The following FBXL18 variants were observed in gnomAD, a reference collection of about 807,000 sequenced individuals.
FBXL18 encodes F-box and leucine rich repeat protein 18.
FBXL18 carries 36 observed loss-of-function variants against 46.0 expected under a neutral mutation model. The ratio of observed to expected loss-of-function variants is 0.78; its 90% CI spans 0.60 to 1.03. FBXL18 has a LOEUF of 1.03. Among genes scored for constraint, FBXL18 ranks in the 50% least tolerant of loss-of-function variants. FBXL18 has a pLI of 0.00. For synonymous variants in FBXL18, 557 were observed against 465.3 expected (o/e 1.20, Z -2.54); for missense variants, 977 against 1,004.1 (o/e 0.97, Z 0.36).
At position 5,500,973 on chromosome 7, in the gene FBXL18, G is replaced by GA; in HGVS notation, c.1295_1296insT (p.Asp433ArgfsTer269). On this transcript the variant is annotated frameshift_variant, in exon 3 of 5. Transcript: ENST00000382368. LOFTEE classifies it high-confidence loss of function. ...TGGCCGGCTGGGCGGGCGCGCGGTC[G>GA]GCGCGCGGCGCGGAGTCAGCGACAG... 1 of 1,536,836 alleles carries GA rather than the reference G, an allele frequency of 6.5e-7. No homozygotes were observed. The highest frequency in any genetic ancestry group is 8.7e-7 in the Non-Finnish European group (1 of 1,148,716).
chr7:5,502,858 G>C (rs1445967980), intron 2 of FBXL18, among the ~76,000 whole-genome samples: 1 of 151,798 alleles, frequency 6.6e-6, no homozygotes, highest in Non-Finnish European at 1.5e-5. Flanking sequence ...ACGGTTTGGT[G>C]GTGGTTCCTC....
intron 4 of FBXL18, among the ~76,000 whole-genome samples, chr7:5,465,041 C>T (rs181825176): frequency 3.2e-4 from 49 of 152,118 alleles, no homozygotes; most frequent in Non-Finnish European, 5.9e-4. Context: ...CCAGCCTGGG[C>T]GACAGAACGA....
intron 3 of FBXL18, 143 bp from the exon 4 acceptor site, chr7:5,491,592 A>C: frequency 2.9e-6 from 2 of 697,994 alleles, no homozygotes; most frequent in Admixed American, 2.9e-5. Flanking sequence ...CAATACCACT[A>C]TCCCTTGGAG....
chr7:5,505,696 T>A, intron 1 of FBXL18, 66 bp from the exon 2 acceptor site: 2 of 1,394,488 alleles, frequency 1.4e-6, no homozygotes, highest in Non-Finnish European at 2.0e-6. Context: ...AGCCTGCAGC[T>A]AGGCAGAGAA....
At position 5,483,739 on chromosome 7, in the gene FBXL18, C is replaced by G. The variant is rs527621227; in HGVS notation, c.2001-1808G>C. Among the ~76,000 whole-genome samples, 3 of 141,768 alleles carry G rather than the reference C, an allele frequency of 2.1e-5. No homozygotes were observed. In the East Asian group the frequency reaches 5.9e-4, roughly 28 times the overall value. The allele number at this position is 141,768 out of a possible 152,430, so 93.0% of individuals were successfully genotyped here. A position where few individuals can be genotyped will look rare whatever the true frequency, so the allele number is the denominator to read the frequency against. On this transcript the variant is annotated intron_variant, in intron 4 of 4. Coordinates refer to ENST00000382368, the MANE Select transcript of FBXL18 (RefSeq NM_024963.6). ...AGCCTGGGCAACAAGAGCAAAACTCCGTCTCAAAAAAAAGACAAAAAAAAA... is the reference window on the plus strand; with the variant it reads ...AGCCTGGGCAACAAGAGCAAAACTCGGTCTCAAAAAAAAGACAAAAAAAAA...
At chr7:5,510,045 T>A (rs1784490207) in intron 1 of FBXL18, among the ~76,000 whole-genome samples, 1 of 151,988 alleles carries the variant, frequency 6.6e-6, no homozygotes, top group African/African-American at 2.4e-5. Context: ...CTCATGCGTG[T>A]AATTCCAGCA....
intron 3 of FBXL18, among the ~76,000 whole-genome samples, chr7:5,495,553 C>T (rs1784054890): frequency 6.6e-6 from 1 of 152,182 alleles, no homozygotes. Flanking sequence ...CCCTCCCTGC[C>T]AGGAGCCCCA....
At position 5,513,752 on chromosome 7, in the gene FBXL18, G is replaced by A; in HGVS notation, c.-78C>T. 1.9e-6 allele frequency: 3 copies of A among 1,546,178 alleles called. No homozygotes were observed. The highest frequency in any genetic ancestry group is 1.4e-5 in the African/African-American group (1 of 73,106). ...ACCTGCCCGGCTAGGGATGCTCGAA[G>A]CCGGCGCGTCCACCGCTCAACCGAG... is the stretch of plus-strand genomic sequence containing the variant. On this transcript the variant is annotated 5_prime_UTR_variant, in exon 1 of 5. Transcript: ENST00000382368.
chr7:5,473,971 A>G (rs970098615), downstream of FBXL18, among the ~76,000 whole-genome samples: 2 of 151,780 alleles, frequency 1.3e-5, no homozygotes, highest in Non-Finnish European at 2.9e-5. Flanking sequence ...TAATTTTTGT[A>G]CTTTTTGTAG....
Position 5,501,159 on chromosome 7 carries a change from G to T in FBXL18, c.1110C>A (p.Ile370=). 1.2e-6 allele frequency: 2 copies of T among 1,613,202 alleles called. No individual in the cohort carries two copies. The highest frequency in any genetic ancestry group is 1.7e-6 in the Non-Finnish European group (2 of 1,179,864). The change falls in exon 3 of 5, where the codon ATC becomes ATA. Residue 370 remains isoleucine (I), a synonymous_variant. Transcript: ENST00000382368. Reference sequence around the variant, plus strand: ...CCAGAGTCTCCAGGATGCTGCTGTCGATGTCGTCCTCCGCCTTGCGGAGCA... The same window carrying T: ...CCAGAGTCTCCAGGATGCTGCTGTCTATGTCGTCCTCCGCCTTGCGGAGCA... ...DSLLRKAEDD[I]DSSILETLVA...
chr7:5,494,422 ACT>A (rs969135254), intron 3 of FBXL18, among the ~76,000 whole-genome samples: 1 of 152,170 alleles, frequency 6.6e-6, no homozygotes, highest in African/African-American at 2.4e-5. Context: ...ACAGAGCGAG[ACT>A]CTGTCTCACA....
intron 4 of FBXL18, among the ~76,000 whole-genome samples, chr7:5,490,639 C>A (rs1238969416): frequency 6.6e-6 from 1 of 152,210 alleles, no homozygotes; most frequent in Non-Finnish European, 1.5e-5. Flanking sequence ...TAGATCCAAA[C>A]AACGGGCAGA....
chr7:5,495,953 G>A, intron 3 of FBXL18: 1 of 463,728 alleles, frequency 2.2e-6, no homozygotes, highest in South Asian at 1.6e-5. Flanking sequence ...AGCAGGGTCG[G>A]TCTCTCAGGC....
chr7:5,467,350 T>TA (rs887677424), intron 4 of FBXL18, among the ~76,000 whole-genome samples: 1 of 147,026 alleles, frequency 6.8e-6, no homozygotes, highest in Non-Finnish European at 1.5e-5. Flanking sequence ...GACTCCGTCT[T>TA]AAAAAATAAT....
chr7:5,504,362 A>G (rs551147846), intron 2 of FBXL18, among the ~76,000 whole-genome samples: 1 of 149,986 alleles, frequency 6.7e-6, no homozygotes, highest in South Asian at 2.2e-4. Context: ...TCTGGGAGAC[A>G]GAAGTTGCAG....
chr7:5,490,263 C>A, intron 4 of FBXL18: 1 of 1,268,508 alleles, frequency 7.9e-7, no homozygotes. Context: ...CCCCCTTGGC[C>A]GGGCGCACGC....
intron 4 of FBXL18, among the ~76,000 whole-genome samples, chr7:5,490,599 AC>A (rs748759425): frequency 2.6e-5 from 4 of 152,132 alleles, no homozygotes; most frequent in Non-Finnish European, 5.9e-5. Context: ...TACCGCCTTT[AC>A]CCACAACTGC....
chr7:5,509,183 ACT>A (rs1007125516), intron 1 of FBXL18, among the ~76,000 whole-genome samples: 61 of 138,076 alleles, frequency 4.4e-4, no homozygotes, highest in African/African-American at 1.6e-3. Flanking sequence ...ACAGAGTGAG[ACT>A]CTGTCTCAAA....
intron 3 of FBXL18, among the ~76,000 whole-genome samples, chr7:5,493,065 T>C (rs1584220797): frequency 6.6e-6 from 1 of 152,130 alleles, no homozygotes; most frequent in Non-Finnish European, 1.5e-5. Flanking sequence ...GCGGGCATGG[T>C]GGCTCACACT....
Sources: allele counts gnomAD v4.1 joint callset (sites outside exome capture counted in the v4.1 genomes callset), GRCh38; gene constraint gnomAD v4.1.1; transcripts MANE v1.5; gene names NCBI Gene and HGNC (gene_info 2026-07-23, HGNC 2026-07-21).